The following MYO16 variants were observed in gnomAD, a reference collection of about 807,000 sequenced individuals.
MYO16 encodes the protein unconventional myosin-XVI.
Under a neutral mutation model 205.3 loss-of-function variants are expected in MYO16, and 94 were observed. The observed-to-expected ratio is 0.46, with a 90% confidence interval of 0.39 to 0.54. The LOEUF (loss-of-function observed/expected upper bound fraction) is 0.54. Ranked by LOEUF, MYO16 falls within the 20% of genes least tolerant of loss-of-function variation. MYO16 has a pLI of 0.00. For synonymous variants in MYO16, 988 were observed against 954.0 expected (o/e 1.04, Z -0.66); for missense variants, 2,315 against 2,387.5 (o/e 0.97, Z 0.63).
chr13:108,850,259 C>T (rs1402553479), intron 10 of MYO16, among the ~76,000 whole-genome samples: 1 of 152,228 alleles, frequency 6.6e-6, no homozygotes, highest in Non-Finnish European at 1.5e-5. Context: ...GTGCTACCAA[C>T]CTCCCAGAGA....
chr13:109,122,076 G>A (rs535170787), intron 29 of MYO16, among the ~76,000 whole-genome samples: 65 of 152,220 alleles, frequency 4.3e-4, no homozygotes, highest in African/African-American at 1.3e-3. Context: ...CACCAACATC[G>A]CCAGGGATCT....
chr13:108,686,711 C>G (rs1035765294), intron 2 of MYO16, among the ~76,000 whole-genome samples: 2 of 152,206 alleles, frequency 1.3e-5, no homozygotes, highest in African/African-American at 4.8e-5. Context: ...GAAGTTCTAA[C>G]TTCCTGAAAT....
chr13:108,790,165 T>G (rs1052508710), intron 5 of MYO16, among the ~76,000 whole-genome samples: 3 of 152,128 alleles, frequency 2.0e-5, no homozygotes, highest in Non-Finnish European at 2.9e-5. Context: ...AGCATGGTCA[T>G]AAAACCATCA....
intron 1 of MYO16, among the ~76,000 whole-genome samples, chr13:108,650,952 T>G (rs1285693848): frequency 5.9e-5 from 9 of 152,342 alleles, no homozygotes; most frequent in Non-Finnish European, 1.5e-5. Context: ...CGATGGGATG[T>G]GCCAGACCCT....
intron 20 of MYO16, among the ~76,000 whole-genome samples, chr13:108,975,359 G>GT (rs1171986546): frequency 1.3e-5 from 2 of 152,066 alleles, no homozygotes; most frequent in East Asian, 1.9e-4. Context: ...CAACAAAGAG[G>GT]TTTTTTATAA....
At chr13:108,811,468 C>T (rs985869184) in intron 7 of MYO16, among the ~76,000 whole-genome samples, 61 of 151,842 alleles carry the variant, frequency 4.0e-4, no homozygotes, top group Admixed American at 4.6e-4. Flanking sequence ...AGCCTCCTCT[C>T]TGTTCCTCTC....
intron 2 of MYO16, among the ~76,000 whole-genome samples, chr13:108,692,885 T>G (rs1882953854): frequency 6.6e-6 from 1 of 152,292 alleles, no homozygotes; most frequent in East Asian, 1.9e-4. Context: ...GGACTTGAAC[T>G]AGCTCCGTCT....
chr13:108,547,101 T>C, the MYO16 span, among the ~76,000 whole-genome samples: 1 of 151,742 alleles, frequency 6.6e-6, no homozygotes, highest in East Asian at 1.9e-4. Context: ...TGAAACCCCA[T>C]CTCTACTAAA....
rs747531289 is a variant in MYO16, at chr13:109,140,930, A to G, written c.4718A>G (p.Asp1573Gly). The change falls in exon 32 of 35, where the codon GAC becomes GGC. Residue 1573 changes from aspartate to glycine, a missense_variant. Coordinates refer to ENST00000457511, the MANE Select transcript of MYO16 (RefSeq NM_001198950.3). This position sits in a 1 kb window ranked among gnomAD's most constrained non-coding sequence, Gnocchi z 8.0. Reference sequence around the variant, plus strand: ...TCCAAGAGCCAGAAGGGCGACGGCGACAGGCCCGCGTCCCCCGGCCTGGCG... The same window carrying G: ...TCCAAGAGCCAGAAGGGCGACGGCGGCAGGCCCGCGTCCCCCGGCCTGGCG... ...QYSKSQKGDG[D>G]RPASPGLALF... The G allele has an allele frequency of 1.9e-6, 3 of 1,563,234 alleles. No individual in the cohort carries two copies. Among genetic ancestry groups the G allele is most frequent in the South Asian group, 2.3e-5 (2 of 85,798 alleles).
chr13:109,160,622 C>T (rs1380094769), intron 32 of MYO16, among the ~76,000 whole-genome samples: 1 of 152,172 alleles, frequency 6.6e-6, no homozygotes, highest in Non-Finnish European at 1.5e-5. Context: ...TCAGACACAC[C>T]TTTAAATATT....
chr13:109,037,217 G>A (rs1886746016), intron 23 of MYO16, among the ~76,000 whole-genome samples: 2 of 152,228 alleles, frequency 1.3e-5, no homozygotes, highest in South Asian at 2.1e-4. Flanking sequence ...TGTCTGCACT[G>A]TTGTGCAGCT....
At chr13:108,757,138 CA>C (rs1475795928) in intron 4 of MYO16, among the ~76,000 whole-genome samples, 2 of 152,106 alleles carry the variant, frequency 1.3e-5, no homozygotes, top group Non-Finnish European at 2.9e-5. Context: ...ACCTAGAGTG[CA>C]AAAGGCAAAT....
chr13:109,181,816 A>ATTTTTTTTTTTT (rs61381548), intron 34 of MYO16, among the ~76,000 whole-genome samples: 1 of 126,262 alleles, frequency 7.9e-6, no homozygotes, highest in Non-Finnish European at 1.6e-5. Context: ...TTATTTATTT[A>ATTTTTTTTTTTT]TTTTATTTTA....
chr13:109,119,475 CT>C (rs1875881063), intron 28 of MYO16, among the ~76,000 whole-genome samples: 1 of 152,218 alleles, frequency 6.6e-6, no homozygotes, highest in Non-Finnish European at 1.5e-5. Flanking sequence ...CCTGCAATTA[CT>C]TATGTCTGCT....
chr13:108,969,789 A>T (rs1379826612), intron 20 of MYO16, among the ~76,000 whole-genome samples: 1 of 151,496 alleles, frequency 6.6e-6, no homozygotes, highest in Non-Finnish European at 1.5e-5. Context: ...ATTGTTAAAT[A>T]TTTTTTTTTC....
At chr13:108,898,755 T>G (rs1386923314) in intron 15 of MYO16, among the ~76,000 whole-genome samples, 2 of 152,290 alleles carry the variant, frequency 1.3e-5, no homozygotes, top group Non-Finnish European at 2.9e-5. Context: ...AAAGTATATT[T>G]TATAAAAACT....
At chr13:109,021,434 C>T (rs1886019211) in intron 23 of MYO16, among the ~76,000 whole-genome samples, 1 of 152,114 alleles carries the variant, frequency 6.6e-6, no homozygotes, top group Non-Finnish European at 1.5e-5. Flanking sequence ...ATTCCCACTG[C>T]AAGGGAAAAT....
At chr13:108,768,788 A>G (rs1072189) in intron 4 of MYO16, among the ~76,000 whole-genome samples, 74,302 of 152,000 alleles carry the variant, frequency 0.49, 19,722 homozygotes, top group East Asian at 0.63. Context: ...ACACTCAGCC[A>G]TTCCAAACAG....
chr13:108,669,604 T>A (rs1211775099), intron 2 of MYO16, among the ~76,000 whole-genome samples: 1 of 152,172 alleles, frequency 6.6e-6, no homozygotes, highest in African/African-American at 2.4e-5. Flanking sequence ...CACATAAATG[T>A]CTTCTATTGA....
Sources: allele counts gnomAD v4.1 joint callset (sites outside exome capture counted in the v4.1 genomes callset), GRCh38; gene constraint gnomAD v4.1.1; non-coding constraint Gnocchi (gnomAD v3.1); transcripts MANE v1.5; gene names NCBI Gene and HGNC (gene_info 2026-07-23, HGNC 2026-07-21).